The following TTC4 variants were observed in gnomAD, a reference collection of about 807,000 sequenced individuals.
The protein encoded by TTC4 is tetratricopeptide repeat domain 4.
Under a neutral mutation model 51.9 loss-of-function variants are expected in TTC4, and 36 were observed. The ratio of observed to expected loss-of-function variants is 0.69; its 90% CI spans 0.53 to 0.92. TTC4 has a LOEUF of 0.92. Among genes scored for constraint, TTC4 ranks in the 40% least tolerant of loss-of-function variants. TTC4 has a pLI of 0.00. For synonymous variants in TTC4, 144 were observed against 164.2 expected (o/e 0.88, Z 0.94); for missense variants, 399 against 454.6 (o/e 0.88, Z 1.11).
intron 9 of TTC4, among the ~76,000 whole-genome samples, chr1:54,738,326 A>G (rs1645971868): frequency 6.6e-6 from 1 of 152,194 alleles, no homozygotes; most frequent in Non-Finnish European, 1.5e-5. Context: ...AACACATGGG[A>G]ATCATGGGAG....
intron 9 of TTC4, among the ~76,000 whole-genome samples, chr1:54,741,187 C>A (rs1646005520): frequency 6.6e-6 from 1 of 152,204 alleles, no homozygotes; most frequent in African/African-American, 2.4e-5. Flanking sequence ...TAGCCACAGA[C>A]ATGCATGATG....
rs1645739507 is a variant in TTC4 at position 54,721,181 on chromosome 1, T to G, written c.410T>G (p.Leu137Arg). ...QYYLGNFRSA[L>R]NDVTAARKLK... Reference sequence around the variant, plus strand: ...TTGTTAGGCAATTTTCGTTCTGCTCTCAATGATGTGACAGCTGCCAGAAAG... The same window carrying G: ...TTGTTAGGCAATTTTCGTTCTGCTCGCAATGATGTGACAGCTGCCAGAAAG... The change falls in exon 4 of 10, where the codon CTC becomes CGC. Residue 137 changes from leucine to arginine, a missense_variant. Leu to Arg is a moderately radical substitution (Grantham distance 102). Around this residue, in one of 3 missense-constraint regions of TTC4, gnomAD observed 316 missense variants for 349.6 expected, o/e 0.90. Coordinates refer to ENST00000371281, the MANE Select transcript of TTC4 (RefSeq NM_004623.5). The G allele has an allele frequency of 6.2e-7, 1 of 1,613,570 alleles. No individual in the cohort carries two copies. The highest frequency in any genetic ancestry group is 8.5e-7 in the Non-Finnish European group (1 of 1,179,586).
At chr1:54,717,742 G>T (rs1376164262) in intron 3 of TTC4, 89 bp downstream of exon 3, 6 of 1,243,504 alleles carry the variant, frequency 4.8e-6, no homozygotes, top group Non-Finnish European at 6.3e-6. Flanking sequence ...GAGGATGAGG[G>T]GCTGTTATCC....
intron 8 of TTC4, 31 bp from the exon 9 acceptor site, chr1:54,737,551 T>C: frequency 1.9e-6 from 3 of 1,609,522 alleles, no homozygotes; most frequent in Non-Finnish European, 2.5e-6. Context: ...AGCCTTTATC[T>C]CTGACTCTTG....
intron 7 of TTC4, among the ~76,000 whole-genome samples, 162 bp downstream of exon 7, chr1:54,731,862 AC>A (rs1645869857): frequency 6.6e-6 from 1 of 152,018 alleles, no homozygotes; most frequent in Non-Finnish European, 1.5e-5. Flanking sequence ...AGCTGACTGA[AC>A]CTTGACTAAC....
At chr1:54,728,293 A>G (rs1645825177) in intron 5 of TTC4, 53 bp from the exon 6 acceptor site, 1 of 1,532,782 alleles carries the variant, frequency 6.5e-7, no homozygotes, top group South Asian at 1.2e-5. Flanking sequence ...GGCTAGTGCA[A>G]TAGAAGAGGA....
chr1:54,721,189 G>C lies in TTC4; in HGVS notation c.418G>C (p.Val140Leu), dbSNP rs779184728. 1 of 1,613,386 alleles carries C rather than the reference G, an allele frequency of 6.2e-7. No individual in the cohort carries two copies. The highest frequency in any genetic ancestry group is 1.3e-5 in the African/African-American group (1 of 74,900). Residue 140 changes from valine to leucine, a missense_variant, in exon 4 of 10, where the codon GTG becomes CTG. Physicochemically the swap from Val to Leu is conservative, Grantham distance 32. This residue lies in a region of TTC4 where 316 missense variants were observed against 349.6 expected (regional missense o/e 0.90). Coordinates refer to ENST00000371281, the MANE Select transcript of TTC4 (RefSeq NM_004623.5). ...CAATTTTCGTTCTGCTCTCAATGAT[G>C]TGACAGCTGCCAGAAAGCTAAAACC... ...LGNFRSALNDVTAARKLKPCH... is the reference protein window; with the variant it reads ...LGNFRSALNDLTAARKLKPCH...
intron 7 of TTC4, among the ~76,000 whole-genome samples, 169 bp downstream of exon 7, chr1:54,731,869 C>G (rs965624069): frequency 2.0e-4 from 31 of 152,084 alleles, no homozygotes; most frequent in Admixed American, 1.1e-3. Context: ...TGAACCTTGA[C>G]TAACTAGGTT....
chr1:54,728,247 G>A lies in TTC4; in HGVS notation c.595-99G>A, dbSNP rs1323298738. 1.1e-5 allele frequency: 12 copies of A among 1,058,594 alleles called. No individual in the cohort carries two copies. The Admixed American group carries it at 2.9e-4, about 26-fold the overall frequency. 65.6% of individuals were successfully genotyped at this position (1,058,594 alleles called of 1,614,324 possible). ...TGGTATTCCTTAACACAGGAGCTTG[G>A]GTTGGATAGAGGCCAGAGATAATAA... On this transcript the variant is annotated intron_variant, in intron 5 of 9. Transcript: ENST00000371281.
At chr1:54,716,803 A>T (rs1462863340) in intron 2 of TTC4, 86 bp downstream of exon 2, 3 of 1,084,028 alleles carry the variant, frequency 2.8e-6, no homozygotes, top group African/African-American at 1.6e-5. Context: ...TGATAACAAG[A>T]AGTAGTTAGC....
chr1:54,718,481 A>T (rs1333266512), intron 3 of TTC4, among the ~76,000 whole-genome samples: 1 of 152,002 alleles, frequency 6.6e-6, no homozygotes, highest in Non-Finnish European at 1.5e-5. Context: ...AATTGGGCTC[A>T]AGTGATCCAT....
intron 4 of TTC4, among the ~76,000 whole-genome samples, chr1:54,722,417 A>T (rs928223732): frequency 6.6e-6 from 1 of 152,190 alleles, no homozygotes; most frequent in African/African-American, 2.4e-5. Flanking sequence ...CCACTAAGTT[A>T]TAGCTTTTCC....
rs771656333 is a variant in TTC4 at position 54,715,942 on chromosome 1, G to A, written c.34G>A (p.Asp12Asn). The A allele has an allele frequency of 6.2e-7, 1 of 1,607,594 alleles. No homozygotes were observed. The highest frequency in any genetic ancestry group is 1.7e-5 in the Admixed American group (1 of 59,432). ...EQPGQDPTSD[D>N]VMDSFLEKFQ... Reference sequence around the variant, plus strand: ...ACCTGGGCAGGATCCCACCTCAGACGACGTCATGGACTCGTTCCTGGAAAA... The same window carrying A: ...ACCTGGGCAGGATCCCACCTCAGACAACGTCATGGACTCGTTCCTGGAAAA... The change falls in exon 1 of 10, where the codon GAC becomes AAC. Residue 12 changes from aspartate to asparagine, a missense_variant. Transcript: ENST00000371281.
At chr1:54,717,942 C>T (rs1645695575) in intron 3 of TTC4, among the ~76,000 whole-genome samples, 1 of 152,192 alleles carries the variant, frequency 6.6e-6, no homozygotes, top group South Asian at 2.1e-4. Flanking sequence ...AGGGCTTCTA[C>T]TCTCTCAAAA....
rs746618716 is a variant in TTC4, at chr1:54,741,436, G to C, written c.1087G>C (p.Ala363Pro). ...GTACTTTGTAAAAGCCCTGACACCA[G>C]CATTTTTGGTCTGTGTAGGATCCTC... is the stretch of plus-strand genomic sequence containing the variant. ...QRYFVKALTP[A>P]FLVCVGSSPF... Residue 363 changes from alanine to proline, a missense_variant, in exon 10 of 10, where the codon GCA becomes CCA. By Grantham distance (27) the Ala-to-Pro change is conservative (BLOSUM62 -1). This residue lies in a region of TTC4 where 64 missense variants were observed against 61.3 expected (regional missense o/e 1.04). Coordinates refer to ENST00000371281, the MANE Select transcript of TTC4 (RefSeq NM_004623.5). 1.2e-6 allele frequency: 2 copies of C among 1,614,166 alleles called. No homozygotes were observed. The highest frequency in any genetic ancestry group is 1.7e-6 in the Non-Finnish European group (2 of 1,180,024).
chr1:54,733,729 C>T lies in TTC4; in HGVS notation c.978+19C>T, dbSNP rs772784276. 1.5e-5 allele frequency: 20 copies of T among 1,309,200 alleles called. No individual in the cohort carries two copies. Among genetic ancestry groups the T allele is most frequent in the Middle Eastern group, 4.8e-4 (2 of 4,202 alleles). 81.1% of individuals were successfully genotyped at this position (1,309,200 alleles called of 1,614,324 possible). On this transcript the variant is annotated intron_variant, in intron 8 of 9. Transcript: ENST00000371281. ...TTTGGAGGTAAGAGAAGTTTTATTT[C>T]GTTCCTCTATGGAATTAATTTTTTT... is the stretch of plus-strand genomic sequence containing the variant.
At chr1:54,737,712 A>C (rs886121610) in intron 9 of TTC4, 48 bp downstream of exon 9, 3 of 1,563,354 alleles carry the variant, frequency 1.9e-6, no homozygotes, top group Non-Finnish European at 2.6e-6. Context: ...TGCTCAGTGT[A>C]TTAGTCCATT....
chr1:54,732,616 AT>A (rs1380250234), intron 7 of TTC4, among the ~76,000 whole-genome samples: 1 of 151,592 alleles, frequency 6.6e-6, no homozygotes, highest in East Asian at 2.0e-4. Context: ...ACATCACCAC[AT>A]CTGGGTAATT....
chr1:54,741,383 A>G (rs1288442893), intron 9 of TTC4, 28 bp from the exon 10 acceptor site: 1 of 1,567,506 alleles, frequency 6.4e-7, no homozygotes, highest in African/African-American at 1.4e-5. Context: ...TTAAATTAAC[A>G]CCCTCTCTTT....
Sources: allele counts gnomAD v4.1 joint callset (sites outside exome capture counted in the v4.1 genomes callset), GRCh38; gene constraint gnomAD v4.1.1; regional missense constraint gnomAD v4.1.1; transcripts MANE v1.5; gene names NCBI Gene and HGNC (gene_info 2026-07-23, HGNC 2026-07-21).